The following COLEC11 variants were observed in gnomAD, a reference collection of about 807,000 sequenced individuals.
COLEC11 encodes collectin-11.
Under a neutral mutation model 27.3 loss-of-function variants are expected in COLEC11, and 20 were observed. The ratio of observed to expected loss-of-function variants is 0.73; its 90% CI spans 0.51 to 1.06. The LOEUF (loss-of-function observed/expected upper bound fraction) is 1.06, where lower values mean the gene tolerates loss of function less well. Ranked by LOEUF, COLEC11 falls within the 50% of genes least tolerant of loss-of-function variation. COLEC11 has a pLI of 0.00. For missense variants in COLEC11, 310 were observed against 383.0 expected, an observed-to-expected ratio of 0.81 and a Z score of 1.59; for synonymous variants, 163 against 154.7, an observed-to-expected ratio of 1.05 and a Z score of -0.40.
At chr2:3,613,515 C>T (rs924611525) in intron 3 of COLEC11, 133 bp downstream of exon 3, 41 of 870,460 alleles carry the variant, frequency 4.7e-5, no homozygotes, top group Middle Eastern at 3.3e-4. Flanking sequence ...GGGAGGCAGA[C>T]GGCATGGGAC....
chr2:3,606,147 T>C, intron 2 of COLEC11: 1 of 1,550,562 alleles, frequency 6.4e-7, no homozygotes, highest in Non-Finnish European at 8.7e-7. Flanking sequence ...AAACGGTGGC[T>C]GTGGAGAGCT....
At position 3,627,815 on chromosome 2, in the gene COLEC11, CGAT is replaced by C. The variant is rs796172679; in HGVS notation, c.203-9713_203-9711del. Among the ~76,000 whole-genome samples the C allele has an allele frequency of 1.2e-3, 182 of 150,958 alleles. 1 individual carries two copies. The highest frequency in any genetic ancestry group is 4.0e-3 in the African/African-American group (162 of 40,954). ...ACGATGCTGGGCACAATGCTGCACA[CGAT>C]GATGCTGGGCATAACACTGGGCGTG... On this transcript the variant is annotated intron_variant, in intron 3 of 6. Coordinates refer to ENST00000349077, the MANE Select transcript of COLEC11 (RefSeq NM_024027.5).
chr2:3,604,190 TG>T (rs1662450680), intron 1 of COLEC11, 124 bp from the exon 2 acceptor site: 3 of 1,020,160 alleles, frequency 2.9e-6, no homozygotes, highest in Non-Finnish European at 4.5e-6. Flanking sequence ...GCACCCGCCA[TG>T]GGGGCCCAGA....
chr2:3,638,152 C>T (rs975766344), intron 4 of COLEC11, among the ~76,000 whole-genome samples: 5 of 152,224 alleles, frequency 3.3e-5, no homozygotes, highest in Admixed American at 6.5e-5. Flanking sequence ...TTTGGCTGCA[C>T]GGCCGTGGTA....
intron 2 of COLEC11, chr2:3,605,688 C>G: frequency 4.9e-6 from 1 of 204,206 alleles, no homozygotes; most frequent in Non-Finnish European, 1.0e-5. Flanking sequence ...TTCAGCTTCT[C>G]CTGTGGAGCG....
At chr2:3,611,950 A>G (rs1485121601) in intron 2 of COLEC11, among the ~76,000 whole-genome samples, 1 of 149,132 alleles carries the variant, frequency 6.7e-6, no homozygotes, top group Middle Eastern at 3.2e-3. Context: ...ATGATAAAAT[A>G]TATAAAACAA....
At chr2:3,597,333 G>C (rs1007749696) in intron 1 of COLEC11, among the ~76,000 whole-genome samples, 2 of 149,450 alleles carry the variant, frequency 1.3e-5, no homozygotes, top group African/African-American at 2.5e-5. Context: ...TCTGGTGTCA[G>C]TGAATGAATG....
At chr2:3,604,229 C>T (rs936187644) in intron 1 of COLEC11, 86 bp from the exon 2 acceptor site, 26 of 1,476,612 alleles carry the variant, frequency 1.8e-5, no homozygotes, top group Non-Finnish European at 2.4e-5. Flanking sequence ...AGGAGGGCTA[C>T]ACCCCTTGCC....
intron 1 of COLEC11, chr2:3,601,879 CT>C (rs1294437474): frequency 1.3e-5 from 2 of 152,198 alleles, no homozygotes; most frequent in Non-Finnish European, 1.5e-5. Flanking sequence ...ATCTTTTTGT[CT>C]GTGACCATTG....
chr2:3,599,390 G>A (rs35288789), intron 1 of COLEC11, among the ~76,000 whole-genome samples: 10,095 of 152,296 alleles, frequency 0.066, 441 homozygotes, highest in Non-Finnish European at 0.096. Flanking sequence ...ATTGACTGAC[G>A]CAGAGGCACT....
intron 2 of COLEC11, chr2:3,604,995 T>A (rs535967192): frequency 1.1e-4 from 49 of 459,524 alleles, no homozygotes; most frequent in Non-Finnish European, 2.1e-4. Context: ...TTGTCTGTAA[T>A]CTGCTCCCGG....
At chr2:3,625,717 CT>C (rs1664505391) in intron 3 of COLEC11, among the ~76,000 whole-genome samples, 1 of 135,936 alleles carries the variant, frequency 7.4e-6, no homozygotes, top group African/African-American at 2.7e-5. Flanking sequence ...ACTACAACCT[CT>C]GCCTCCCGGG....
At chr2:3,597,892 T>C (rs1661964029) in intron 1 of COLEC11, among the ~76,000 whole-genome samples, 1 of 152,200 alleles carries the variant, frequency 6.6e-6, no homozygotes, top group Non-Finnish European at 1.5e-5. Flanking sequence ...GTGGTGCCCC[T>C]TGTTTTGACA....
At chr2:3,601,957 T>G (rs1662263345) in intron 1 of COLEC11, 1 of 152,240 alleles carries the variant, frequency 6.6e-6, no homozygotes, top group Non-Finnish European at 1.5e-5. Context: ...CAGGGCTATC[T>G]TGGGCATCTT....
chr2:3,620,561 C>T (rs1298787869), intron 3 of COLEC11, among the ~76,000 whole-genome samples: 3 of 151,778 alleles, frequency 2.0e-5, no homozygotes, highest in African/African-American at 4.8e-5. Context: ...CTCTGATCTT[C>T]GTTATTTCCT....
In COLEC11 at chr2:3,624,664, T is replaced by G. The variant is rs190118614; in HGVS notation, c.202+11282T>G. Among the ~76,000 whole-genome samples, 9 of 152,322 alleles carry G rather than the reference T, an allele frequency of 5.9e-5. No homozygotes were observed. The East Asian group carries it at 1.5e-3, about 26-fold the overall frequency. Reference sequence around the variant, plus strand: ...GTGGGAAACGGTCACACGGGTAAAGTGAAACTGTTCTTACCCTCATCAGTG... The same window carrying G: ...GTGGGAAACGGTCACACGGGTAAAGGGAAACTGTTCTTACCCTCATCAGTG... On this transcript the variant is annotated intron_variant, in intron 3 of 6. Coordinates refer to ENST00000349077, the MANE Select transcript of COLEC11 (RefSeq NM_024027.5).
intron 3 of COLEC11, among the ~76,000 whole-genome samples, chr2:3,633,774 G>A (rs535911688): frequency 6.6e-6 from 1 of 152,142 alleles, no homozygotes; most frequent in African/African-American, 2.4e-5. Flanking sequence ...TTGGACAGAA[G>A]GCCCGAGGAA....
chr2:3,641,259 A>G, intron 5 of COLEC11: 2 of 1,304,280 alleles, frequency 1.5e-6, no homozygotes, highest in African/African-American at 3.0e-5. Flanking sequence ...CACCGCAGAG[A>G]TGAGGAGGAA....
intron 3 of COLEC11, among the ~76,000 whole-genome samples, chr2:3,619,248 T>C (rs780620544): frequency 7.2e-5 from 11 of 151,956 alleles, no homozygotes; most frequent in Non-Finnish European, 1.5e-4. Flanking sequence ...TTTTCTCTCC[T>C]TTCCACTTTC....
Sources: gnomAD v4.1 joint callset for allele counts (sites outside exome capture counted in the v4.1 genomes callset) on GRCh38, gnomAD v4.1.1 for gene constraint, MANE v1.5 for transcripts, NCBI Gene and HGNC (gene_info 2026-07-23, HGNC 2026-07-21) for gene names.